Variants in ZNF490 observed in about 807,000 individuals in gnomAD.
ZNF490 encodes zinc finger protein 490.
Under a neutral mutation model 17.7 loss-of-function variants are expected in ZNF490, and 11 were observed. That is an observed-to-expected ratio of 0.62 (90% CI 0.39 to 1.03). ZNF490 has a LOEUF of 1.03. Among genes scored for constraint, ZNF490 ranks in the 50% least tolerant of loss-of-function variants. The pLI, the probability that ZNF490 is intolerant of heterozygous loss-of-function variation, is 0.00. For synonymous variants in ZNF490, 222 were observed against 216.1 expected (o/e 1.03, Z -0.24); for missense variants, 542 against 643.4 (o/e 0.84, Z 1.71).
At chr19:12,591,006 T>C (rs1224076593) in intron 2 of ZNF490, among the ~76,000 whole-genome samples, 1 of 151,978 alleles carries the variant, frequency 6.6e-6, no homozygotes, top group East Asian at 1.9e-4. Flanking sequence ...ATAAGACTCC[T>C]AGAGGATAAT....
In ZNF490 at chr19:12,586,936, G is replaced by A. The variant is rs1307043609; in HGVS notation, c.163-3380C>T. On this transcript the variant is annotated intron_variant, in intron 2 of 4. Coordinates refer to ENST00000311437, the MANE Select transcript of ZNF490 (RefSeq NM_020714.3). ...AAATACAAAATTAGTCAGGTGCAGC[G>A]GCACATGCCTGTAATCCCAGCTACT... Among the ~76,000 whole-genome samples, 5 of 91,530 alleles carry A rather than the reference G, an allele frequency of 5.5e-5. 1 individual carries two copies. The highest frequency in any genetic ancestry group is 4.1e-4 in the Admixed American group (4 of 9,824). The allele number at this position is 91,530 out of a possible 152,430, so 60.0% of individuals were successfully genotyped here.
At chr19:12,608,935 G>A (rs2023106036) in intron 2 of ZNF490, among the ~76,000 whole-genome samples, 1 of 152,152 alleles carries the variant, frequency 6.6e-6, no homozygotes, top group South Asian at 2.1e-4. Context: ...AAAGGATGCA[G>A]GTGGCTGTGT....
At chr19:12,584,056 C>T (rs1314462443) in intron 2 of ZNF490, among the ~76,000 whole-genome samples, 9 of 147,146 alleles carry the variant, frequency 6.1e-5, no homozygotes, top group East Asian at 2.0e-4. Context: ...GTGATCCGCC[C>T]GCCTCGGCCT....
intron 2 of ZNF490, chr19:12,597,309 G>A: frequency 2.5e-6 from 1 of 402,906 alleles, no homozygotes; most frequent in Non-Finnish European, 5.1e-6. Context: ...CGCATTCAGA[G>A]CTAGGGTGCA....
Position 12,580,924 on chromosome 19 carries a change from T to C in ZNF490, c.1151A>G (p.His384Arg). The change falls in exon 5 of 5, where the codon CAT becomes CGT. Residue 384 changes from histidine to arginine, a missense_variant. By Grantham distance (29) the His-to-Arg change is conservative (BLOSUM62 0). Transcript: ENST00000311437. ...SSSCEVHERT[H>R]FGEKPYECKQ... is the part of the protein sequence containing the mutation. ...ACATTCATAGGGTTTTTCTCCAAAA[T>C]GAGTTCTTTCGTGCACTTCACAGGA... 6.2e-7 allele frequency: 1 copy of C among 1,614,228 alleles called. No individual in the cohort carries two copies. Among genetic ancestry groups the C allele is most frequent in the Non-Finnish European group, 8.5e-7 (1 of 1,180,034 alleles).
chr19:12,597,157 G>T (rs1404320248), intron 2 of ZNF490: 4 of 461,062 alleles, frequency 8.7e-6, no homozygotes, highest in Admixed American at 4.7e-5. Context: ...ACCATTTCTC[G>T]GCTTACGGAG....
rs144893930 is a variant in ZNF490 at position 12,581,650 on chromosome 19, T to G, written c.425A>C (p.Asp142Ala). The part of the protein sequence containing the change: ...PCGKSTSQIP[D>A]LNTNLETPTG... ...AGGAGTTTCCAGGTTCGTATTAAGATCAGGAATCTGGCTAGTGCTTTTTCC... is the reference window on the plus strand; with the variant it reads ...AGGAGTTTCCAGGTTCGTATTAAGAGCAGGAATCTGGCTAGTGCTTTTTCC... Residue 142 changes from aspartate to alanine, a missense_variant, in exon 5 of 5, where the codon GAT (aspartate) becomes GCT (alanine). Transcript: ENST00000311437. The G allele has an allele frequency of 6.2e-7, 1 of 1,614,036 alleles. No homozygotes were observed. Among genetic ancestry groups the G allele is most frequent in the Non-Finnish European group, 8.5e-7 (1 of 1,180,024 alleles).
At position 12,578,984 on chromosome 19, in the gene ZNF490, T is replaced by TATAATATA. The variant is rs2022682206; in HGVS notation, c.*1500_*1501insTATATTAT. On this transcript the variant is annotated 3_prime_UTR_variant, in exon 5 of 5. Transcript: ENST00000311437. ...AAAATGAACTGGAGGCCGGGCGCGG[T>TATAATATA]GGCTCACGCCTATAATCCCAGCACT... The TATAATATA allele has an allele frequency of 1.0e-6, 1 of 985,190 alleles. No homozygotes were observed. The allele number at this position is 985,190 out of a possible 1,614,324, so 61.0% of individuals were successfully genotyped here. A position where few individuals can be genotyped will look rare whatever the true frequency, so the allele number is the denominator to read the frequency against.
chr19:12,583,654 G>C, intron 2 of ZNF490, 98 bp from the exon 3 acceptor site: 1 of 1,314,140 alleles, frequency 7.6e-7, no homozygotes, highest in South Asian at 1.6e-5. Context: ...TAATCCTGTA[G>C]TCTCGGTTTA....
rs572853944 is a variant in ZNF490 at position 12,601,533 on chromosome 19, G to T, written c.162+7625C>A. ...AGCCATCAAGCAGCTGGGACTACAG[G>T]TGTATGCCACAAACCTGGCTAATTT... On this transcript the variant is annotated intron_variant, in intron 2 of 4. Transcript: ENST00000311437. Among the ~76,000 whole-genome samples the T allele has an allele frequency of 1.1e-4, 17 of 152,190 alleles. No homozygotes were observed. The East Asian group carries it at 3.3e-3, about 29-fold the overall frequency.
chr19:12,605,167 C>CA (rs1258041138), intron 2 of ZNF490, among the ~76,000 whole-genome samples: 1 of 150,994 alleles, frequency 6.6e-6, no homozygotes, highest in Non-Finnish European at 1.5e-5. Flanking sequence ...AAAGAGTAAA[C>CA]AAATAAATAA....
At chr19:12,606,740 TG>T (rs2023072728) in intron 2 of ZNF490, among the ~76,000 whole-genome samples, 1 of 152,126 alleles carries the variant, frequency 6.6e-6, no homozygotes, top group African/African-American at 2.4e-5. Flanking sequence ...TTTATTTTAA[TG>T]ATCAGCAAAG....
chr19:12,581,819 G>C (rs947575379), intron 4 of ZNF490, 95 bp from the exon 5 acceptor site: 24 of 1,156,448 alleles, frequency 2.1e-5, no homozygotes, highest in Non-Finnish European at 2.8e-5. Context: ...TATTTTCACA[G>C]AAACTGTATG....
chr19:12,609,200 C>T lies in ZNF490; in HGVS notation c.120G>A (p.Met40Ile), dbSNP rs367788261. 34 of 1,613,878 alleles carry T rather than the reference C, an allele frequency of 2.1e-5. No homozygotes were observed. The highest frequency in any genetic ancestry group is 4.4e-5 in the South Asian group (4 of 91,076). The change falls in exon 2 of 5, where the codon ATG (methionine) becomes ATA (isoleucine). Residue 40 changes from methionine (M) to isoleucine (I), a missense_variant and splice_region_variant. Coordinates refer to ENST00000311437, the MANE Select transcript of ZNF490 (RefSeq NM_020714.3). Reference protein sequence around the residue: ...TGTGGSDVLQMQNSEHHGQSI... With the variant: ...TGTGGSDVLQIQNSEHHGQSI... ...TTTGTCCATGGTGTTCACTGTTCTGCATCTAATTAGAAACAAGAGGATGCA... is the reference window on the plus strand; with the variant it reads ...TTTGTCCATGGTGTTCACTGTTCTGTATCTAATTAGAAACAAGAGGATGCA...
chr19:12,605,908 A>T (rs886750262), intron 2 of ZNF490, among the ~76,000 whole-genome samples: 3 of 151,718 alleles, frequency 2.0e-5, no homozygotes, highest in Admixed American at 2.0e-4. Flanking sequence ...TTTTTGAGAC[A>T]GAGTTTTGCT....
Position 12,581,592 on chromosome 19 carries a change from A to C in ZNF490, c.483T>G (p.Cys161Trp). The change falls in exon 5 of 5, where the codon TGT becomes TGG. Residue 161 changes from cysteine to tryptophan, a missense_variant. Coordinates refer to ENST00000311437, the MANE Select transcript of ZNF490 (RefSeq NM_020714.3). ...AGACCTGATGCATGAAGACTTCCCC[A>C]CACACACTGCAGTCACATGGTTTTA... ...TGLKPCDCSVCGEVFMHQVSL... is the reference protein window; with the variant it reads ...TGLKPCDCSVWGEVFMHQVSL... The C allele has an allele frequency of 6.2e-7, 1 of 1,614,188 alleles. No homozygotes were observed. The highest frequency in any genetic ancestry group is 2.2e-5 in the East Asian group (1 of 44,882).
intron 2 of ZNF490, among the ~76,000 whole-genome samples, chr19:12,608,055 A>G (rs144867984): frequency 1.2e-4 from 19 of 152,304 alleles, no homozygotes; most frequent in African/African-American, 4.3e-4. Context: ...ATGTATCCAC[A>G]TGCATGAAGG....
intron 2 of ZNF490, among the ~76,000 whole-genome samples, chr19:12,608,533 C>T (rs897740710): frequency 5.9e-5 from 9 of 151,758 alleles, no homozygotes; most frequent in East Asian, 1.9e-4. Context: ...TACAGTGGCG[C>T]GATCTCAGCT....
chr19:12,595,141 C>T (rs573658848), intron 2 of ZNF490, among the ~76,000 whole-genome samples: 22 of 152,068 alleles, frequency 1.4e-4, no homozygotes, highest in African/African-American at 5.1e-4. Context: ...GTGTCCTTTT[C>T]TCTCTCTTTT....
Sources: gnomAD v4.1 joint callset for allele counts (sites outside exome capture counted in the v4.1 genomes callset) on GRCh38, gnomAD v4.1.1 for gene constraint, MANE v1.5 for transcripts, NCBI Gene and HGNC (gene_info 2026-07-23, HGNC 2026-07-21) for gene names.